Variants in GCLM observed in about 807,000 individuals in gnomAD.
The protein encoded by GCLM is glutamate-cysteine ligase modifier subunit, also known as glutamate--cysteine ligase regulatory subunit.
GCLM carries 15 observed loss-of-function variants against 36.0 expected under a neutral mutation model. The ratio of observed to expected loss-of-function variants is 0.42; its 90% CI spans 0.28 to 0.64. GCLM has a LOEUF of 0.64. Ranked by LOEUF, GCLM falls within the 30% of genes least tolerant of loss-of-function variation. The probability of loss-of-function intolerance (pLI) is 0.25; values close to 1 mark genes in which losing one functional copy is unlikely to be tolerated. For synonymous variants in GCLM, 129 were observed against 122.8 expected (o/e 1.05, Z -0.34); for missense variants, 242 against 325.5 (o/e 0.74, Z 1.97).
At chr1:93,908,476 G>C (rs1299227272) in intron 1 of GCLM, among the ~76,000 whole-genome samples, 1 of 152,200 alleles carries the variant, frequency 6.6e-6, no homozygotes, top group Non-Finnish European at 1.5e-5. Flanking sequence ...TAGACGCACA[G>C]ATAAGTGCAT....
In GCLM at chr1:93,899,096, T is replaced by C. The variant is rs191501638; in HGVS notation, c.278-1198A>G. Among the ~76,000 whole-genome samples, 172 of 126,282 alleles carry C rather than the reference T, an allele frequency of 1.4e-3. 1 individual carries two copies. The East Asian group carries it at 0.027, about 20-fold the overall frequency. The allele number at this position is 126,282 out of a possible 152,430, so 82.8% of individuals were successfully genotyped here. ...GTTTTTAGTGTATAATTTTACATAC[T>C]TTTTTTTTTTGAGACAGAGTCTCAC... On this transcript the variant is annotated intron_variant, in intron 3 of 6. Transcript: ENST00000370238.
At chr1:93,901,176 AG>A (rs1421282134) in intron 3 of GCLM, among the ~76,000 whole-genome samples, 2 of 152,144 alleles carry the variant, frequency 1.3e-5, no homozygotes. Context: ...TAACTTGCCC[AG>A]GTTTCTTTTT....
At position 93,888,830 on chromosome 1, in the gene GCLM, C is replaced by A; in HGVS notation, c.*160G>T. The A allele has an allele frequency of 2.2e-6, 1 of 462,528 alleles. No individual in the cohort carries two copies. Among genetic ancestry groups the A allele is most frequent in the Non-Finnish European group, 3.8e-6 (1 of 261,270 alleles). 28.7% of individuals were successfully genotyped at this position (462,528 alleles called of 1,614,324 possible). A position where few individuals can be genotyped will look rare whatever the true frequency, so the allele number is the denominator to read the frequency against. Reference sequence around the variant, plus strand: ...TCATGAGAATGGATTGATATGGAGGCAAGATAAGTATTTAAAACTTGACAG... The same window carrying A: ...TCATGAGAATGGATTGATATGGAGGAAAGATAAGTATTTAAAACTTGACAG... On this transcript the variant is annotated 3_prime_UTR_variant, in exon 7 of 7. Coordinates refer to ENST00000370238, the MANE Select transcript of GCLM (RefSeq NM_002061.4).
At chr1:93,903,645 C>CT (rs17879344) in intron 2 of GCLM, among the ~76,000 whole-genome samples, 1,550 of 151,666 alleles carry the variant, frequency 0.01, 30 homozygotes, top group African/African-American at 0.036. Flanking sequence ...TAAACCAAAA[C>CT]TTTTTTTTTC....
chr1:93,901,483 T>A, intron 3 of GCLM, 102 bp downstream of exon 3: 1 of 730,652 alleles, frequency 1.4e-6, no homozygotes, highest in Non-Finnish European at 2.4e-6. Context: ...TTTCTGTATT[T>A]CCCACATTTA....
In GCLM at chr1:93,909,121, C is replaced by T; in HGVS notation, c.43G>A (p.Ala15Thr). The change falls in exon 1 of 7, where the codon GCC becomes ACC. Residue 15 changes from alanine to threonine, a missense_variant. Ala to Thr is a moderately conservative substitution (Grantham distance 58, BLOSUM62 0). Coordinates refer to ENST00000370238, the MANE Select transcript of GCLM (RefSeq NM_002061.4). ...CCCGTCTGCAGGTGCAGGGTGCGGG[C>T]CCGCGCCAGGAGCGCCTTGGCCGCG... Reference protein sequence around the residue: ...SRAAKALLARARTLHLQTGNL... With the variant: ...SRAAKALLARTRTLHLQTGNL... 1.4e-6 allele frequency: 2 copies of T among 1,427,598 alleles called. No homozygotes were observed. Among genetic ancestry groups the T allele is most frequent in the Non-Finnish European group, 1.8e-6 (2 of 1,088,052 alleles). The allele number at this position is 1,427,598 out of a possible 1,614,324, so 88.4% of individuals were successfully genotyped here.
chr1:93,890,405 T>G (rs905008753), intron 6 of GCLM, among the ~76,000 whole-genome samples: 2 of 152,100 alleles, frequency 1.3e-5, no homozygotes, highest in African/African-American at 4.8e-5. Context: ...TATAATACAT[T>G]TATCAGGAAT....
intron 3 of GCLM, 90 bp downstream of exon 3, chr1:93,901,495 T>C: frequency 1.3e-6 from 1 of 756,564 alleles, no homozygotes; most frequent in South Asian, 1.5e-5. Context: ...CCACATTTAG[T>C]GTCTGAGCAA....
At chr1:93,905,429 GT>G (rs1336695388) in intron 1 of GCLM, among the ~76,000 whole-genome samples, 1 of 152,102 alleles carries the variant, frequency 6.6e-6, no homozygotes, top group African/African-American at 2.4e-5. Flanking sequence ...TCCAAGAGCA[GT>G]TTGGACTTTC....
chr1:93,903,370 G>T (rs183186069), intron 2 of GCLM, among the ~76,000 whole-genome samples: 2 of 151,848 alleles, frequency 1.3e-5, no homozygotes, highest in Admixed American at 1.3e-4. Flanking sequence ...GAGTGCAGTG[G>T]TGTGATCTCA....
rs562408867 is a variant in GCLM, at chr1:93,896,207, C to T, written c.540+411G>A. 2.5e-4 allele frequency among the ~76,000 whole-genome samples: 38 copies of T among 152,092 alleles called. No individual in the cohort carries two copies. The Middle Eastern group carries it at 0.01, about 41-fold the overall frequency. ...CGAACTCCTGACCTCATGATCTGCT[C>T]GCCTCGGCCTCCCAAAGTGCTGGGA... On this transcript the variant is annotated intron_variant, in intron 5 of 6. Coordinates refer to ENST00000370238, the MANE Select transcript of GCLM (RefSeq NM_002061.4).
At chr1:93,907,142 G>A (rs895085287) in intron 1 of GCLM, among the ~76,000 whole-genome samples, 1 of 152,120 alleles carries the variant, frequency 6.6e-6, no homozygotes, top group Admixed American at 6.5e-5. Flanking sequence ...TGGAGCTCTG[G>A]GTGTTACAAA....
At chr1:93,889,225 A>G in intron 6 of GCLM, 66 bp from the exon 7 acceptor site, 1 of 1,103,246 alleles carries the variant, frequency 9.1e-7, no homozygotes, top group East Asian at 2.7e-5. Context: ...GCACTTTAGT[A>G]TGTAGGTAAG....
Position 93,901,598 on chromosome 1 carries a change from T to C in GCLM, c.264A>G (p.Glu88=), listed in dbSNP as rs1277652169. ...VEKINPDERE[E]MKVSAKLFIV... The stretch of plus-strand genomic sequence containing the variant: ...ACTGGACTTTACCAGAAACTTTCAT[T>C]TCTTCTCTTTCATCAGGATTTATCT... The change falls in exon 3 of 7, where the codon GAA becomes GAG. Residue 88 remains glutamate, a synonymous_variant. Transcript: ENST00000370238. The C allele has an allele frequency of 6.4e-7, 1 of 1,556,412 alleles. No individual in the cohort carries two copies. The highest frequency in any genetic ancestry group is 2.2e-5 in the East Asian group (1 of 44,510).
At chr1:93,901,498 C>G in intron 3 of GCLM, 87 bp downstream of exon 3, 1 of 767,594 alleles carries the variant, frequency 1.3e-6, no homozygotes, top group Non-Finnish European at 2.3e-6. Context: ...CATTTAGTGT[C>G]TGAGCAAAGA....
intron 6 of GCLM, among the ~76,000 whole-genome samples, chr1:93,893,890 T>C (rs1477960021): frequency 6.6e-6 from 1 of 152,236 alleles, no homozygotes; most frequent in Non-Finnish European, 1.5e-5. Flanking sequence ...CCTACTTACC[T>C]ATCCTAAGAT....
intron 6 of GCLM, among the ~76,000 whole-genome samples, chr1:93,894,018 G>A (rs1656629228): frequency 6.6e-6 from 1 of 152,146 alleles, no homozygotes; most frequent in Admixed American, 6.5e-5. Flanking sequence ...AGCACCTTGG[G>A]AGGCCGAGGT....
At position 93,896,671 on chromosome 1, in the gene GCLM, C is replaced by T; in HGVS notation, c.487G>A (p.Gly163Ser). 6.2e-7 allele frequency: 1 copy of T among 1,614,102 alleles called. No homozygotes were observed. Among genetic ancestry groups the T allele is most frequent in the Non-Finnish European group, 8.5e-7 (1 of 1,179,966 alleles). ...LVQSKKIVAI[G>S]TSDLDKTQLE... ...TGTGTTTTGTCTAGATCAGAGGTACCTATGGCAACAATCTTTTTGCTCTGA... is the reference window on the plus strand; with the variant it reads ...TGTGTTTTGTCTAGATCAGAGGTACTTATGGCAACAATCTTTTTGCTCTGA... The change falls in exon 5 of 7, where the codon GGT becomes AGT. Residue 163 changes from glycine to serine, a missense_variant. Physicochemically the swap from Gly to Ser is moderately conservative, Grantham distance 56 (BLOSUM62 0). Transcript: ENST00000370238.
chr1:93,890,030 G>C (rs185509271), intron 6 of GCLM, among the ~76,000 whole-genome samples: 1 of 151,760 alleles, frequency 6.6e-6, no homozygotes, highest in African/African-American at 2.4e-5. Context: ...TTCTGCCTCA[G>C]CCTCCCAAGT....
Sources: gnomAD v4.1 joint callset for allele counts (sites outside exome capture counted in the v4.1 genomes callset) on GRCh38, gnomAD v4.1.1 for gene constraint, MANE v1.5 for transcripts, NCBI Gene and HGNC (gene_info 2026-07-23, HGNC 2026-07-21) for gene names.